The following RECQL variants were observed in gnomAD, a reference collection of about 807,000 sequenced individuals.
The protein encoded by RECQL is ATP-dependent DNA helicase Q1.
In RECQL, 73 loss-of-function variants were observed where a neutral mutation model predicts 75.8. That is an observed-to-expected ratio of 0.96 (90% confidence interval 0.80 to 1.17). The LOEUF is 1.17. Among genes scored for constraint, RECQL ranks in the 50% most tolerant of loss-of-function variants. The pLI is 0.00. For synonymous variants in RECQL, 248 were observed against 254.4 expected (o/e 0.97, Z 0.24); for missense variants, 699 against 772.1 (o/e 0.91, Z 1.12).
In RECQL at chr12:21,490,374, A is replaced by G; in HGVS notation, c.219T>C (p.Phe73=). 1 of 1,601,736 alleles carries G rather than the reference A, an allele frequency of 6.2e-7. No homozygotes were observed. ...TATCTTTAACTTTACCAGACCATGG[A>G]AAATCTAGGAAAAGAAAGTTAAGAA... ...SSPAAWNKED[F]PWSGKVKDIL... Residue 73 remains phenylalanine, a synonymous_variant, in exon 4 of 15, where the codon TTT becomes TTC. Coordinates refer to ENST00000444129, the MANE Select transcript of RECQL (RefSeq NM_002907.4).
intron 3 of RECQL, among the ~76,000 whole-genome samples, chr12:21,490,867 A>T (rs1484412833): frequency 1.3e-5 from 2 of 152,184 alleles, no homozygotes; most frequent in Non-Finnish European, 2.9e-5. Context: ...AACAAAAAAA[A>T]AGTAACAAAT....
At chr12:21,480,874 A>C (rs1943179921) in intron 6 of RECQL, among the ~76,000 whole-genome samples, 1 of 152,174 alleles carries the variant, frequency 6.6e-6, no homozygotes, top group Non-Finnish European at 1.5e-5. Flanking sequence ...TAAGTTTCTA[A>C]GTCTTATTTG....
chr12:21,498,329 C>T (rs2136781861), intron 2 of RECQL, among the ~76,000 whole-genome samples: 1 of 152,248 alleles, frequency 6.6e-6, no homozygotes, highest in African/African-American at 2.4e-5. Flanking sequence ...TCTCCCATTG[C>T]CACGATTCAC....
At chr12:21,493,974 G>C (rs1308840773) in intron 2 of RECQL, among the ~76,000 whole-genome samples, 2 of 152,152 alleles carry the variant, frequency 1.3e-5, no homozygotes, top group Non-Finnish European at 2.9e-5. Flanking sequence ...TCCGAGGCTG[G>C]GTAATTTATA....
intron 4 of RECQL, among the ~76,000 whole-genome samples, chr12:21,486,885 C>T (rs1340396333): frequency 6.6e-6 from 1 of 151,870 alleles, no homozygotes; most frequent in Non-Finnish European, 1.5e-5. Context: ...GTTGCCCAGG[C>T]TGGTCTCAAA....
At chr12:21,497,405 C>CA (rs1943527719) in intron 2 of RECQL, among the ~76,000 whole-genome samples, 1 of 152,236 alleles carries the variant, frequency 6.6e-6, no homozygotes. Flanking sequence ...AGCACTCTAG[C>CA]ATCTCTCCAG....
chr12:21,470,962 C>G lies in RECQL; in HGVS notation c.1797+7G>C. ...ATATATAAAACTGAAAATTAATAGC[C>G]ATTTACCCTGAAAGAGTTCTGCGTG... On this transcript the variant is annotated splice_region_variant and intron_variant, in intron 14 of 14. Coordinates refer to ENST00000444129, the MANE Select transcript of RECQL (RefSeq NM_002907.4). 2.0e-6 allele frequency: 3 copies of G among 1,504,848 alleles called. No homozygotes were observed. The highest frequency in any genetic ancestry group is 2.6e-6 in the Non-Finnish European group (3 of 1,132,728). The allele number at this position is 1,504,848 out of a possible 1,614,324, so 93.2% of individuals were successfully genotyped here. A position where few individuals can be genotyped will look rare whatever the true frequency, so the allele number is the denominator to read the frequency against.
intron 4 of RECQL, among the ~76,000 whole-genome samples, chr12:21,488,562 T>C (rs780642119): frequency 1.3e-5 from 2 of 152,298 alleles, no homozygotes; most frequent in Middle Eastern, 3.4e-3. Flanking sequence ...AAATTCAACA[T>C]GTCCCAAATA....
Position 21,474,959 on chromosome 12 carries a change from C to G in RECQL, c.1237G>C (p.Asp413His), listed in dbSNP as rs556850507. Residue 413 changes from aspartate to histidine, a missense_variant, in exon 11 of 15, where the codon GAC (aspartate) becomes CAC (histidine). Coordinates refer to ENST00000444129, the MANE Select transcript of RECQL (RefSeq NM_002907.4). ...CCAAAGCCGTAGTACAAAATACAGT[C>G]TGCTTTCATGTCATCTCGACCTGTG... ...GRAGRDDMKADCILYYGFGDI... is the reference protein window; with the variant it reads ...GRAGRDDMKAHCILYYGFGDI... 2.4e-5 allele frequency: 38 copies of G among 1,612,812 alleles called. No homozygotes were observed. In the South Asian group the frequency reaches 4.0e-4, roughly 17 times the overall value.
intron 2 of RECQL, among the ~76,000 whole-genome samples, chr12:21,492,089 A>T (rs999882490): frequency 1.3e-5 from 2 of 152,234 alleles, no homozygotes; most frequent in African/African-American, 4.8e-5. Context: ...GTTGTAGAGA[A>T]GTGGTCTAAC....
rs745666008 is a variant in RECQL, at chr12:21,499,562, G to A, written c.9C>T (p.Ser3=). The A allele has an allele frequency of 5.7e-6, 9 of 1,591,468 alleles. No homozygotes were observed. The highest frequency in any genetic ancestry group is 1.4e-5 in the African/African-American group (1 of 73,796). The change falls in exon 2 of 15, where the codon TCC becomes TCT. Residue 3 remains serine, a synonymous_variant. Coordinates refer to ENST00000444129, the MANE Select transcript of RECQL (RefSeq NM_002907.4). The part of the protein sequence containing the change: MA[S]VSALTEELDS... ...GTAATCATTGCTACTAACCTGAAACGGACGCCATTCTTTTTCTTTCCAAAT... is the reference window on the plus strand; with the variant it reads ...GTAATCATTGCTACTAACCTGAAACAGACGCCATTCTTTTTCTTTCCAAAT...
chr12:21,490,277 C>T lies in RECQL; in HGVS notation c.316G>A (p.Gly106Arg), dbSNP rs2136749299. ...QLETINVTMA[G>R]KEVFLVMPTG... Reference sequence around the variant, plus strand: ...GGCATAACAAGAAATACCTCCTTTCCAGCCATTGTTACGTTAATAGTTTCA... The same window carrying T: ...GGCATAACAAGAAATACCTCCTTTCTAGCCATTGTTACGTTAATAGTTTCA... Residue 106 changes from glycine (G) to arginine (R), a missense_variant, in exon 4 of 15, where the codon GGA (glycine) becomes AGA (arginine). Physicochemically the swap from Gly to Arg is moderately radical, Grantham distance 125 (BLOSUM62 -2). This residue lies in a region of RECQL where 669 missense variants were observed against 713.5 expected (regional missense o/e 0.94). Transcript: ENST00000444129. The T allele has an allele frequency of 1.9e-6, 3 of 1,612,774 alleles. No individual in the cohort carries two copies. Among genetic ancestry groups the T allele is most frequent in the South Asian group, 2.2e-5 (2 of 91,048 alleles).
intron 2 of RECQL, among the ~76,000 whole-genome samples, chr12:21,495,201 G>A (rs1305346080): frequency 6.6e-6 from 1 of 152,194 alleles, no homozygotes; most frequent in Non-Finnish European, 1.5e-5. Flanking sequence ...AGAGGTTGGA[G>A]CCTGTTGGGG....
At chr12:21,474,773 A>C (rs1301347714) in intron 11 of RECQL, 68 bp downstream of exon 11, 1 of 1,486,936 alleles carries the variant, frequency 6.7e-7, no homozygotes, top group African/African-American at 1.4e-5. Context: ...GTAAGAACTT[A>C]AAAACGATGT....
chr12:21,489,762 C>T (rs932744140), intron 4 of RECQL, among the ~76,000 whole-genome samples: 7 of 152,058 alleles, frequency 4.6e-5, no homozygotes, highest in Admixed American at 2.0e-4. Context: ...GATAGGGTTT[C>T]GAAAAGCTAG....
At position 21,471,624 on chromosome 12, in the gene RECQL, CTG is replaced by C; in HGVS notation, c.1469_1470del (p.Thr490ArgfsTer18). The C allele has an allele frequency of 6.2e-7, 1 of 1,612,468 alleles. No individual in the cohort carries two copies. The highest frequency in any genetic ancestry group is 2.2e-5 in the East Asian group (1 of 44,836). On this transcript the variant is annotated frameshift_variant, in exon 13 of 15. Coordinates refer to ENST00000444129, the MANE Select transcript of RECQL (RefSeq NM_002907.4). LOFTEE classifies it high-confidence loss of function. ...KDSAFERKNI[T>X]EYCRDLIKIL... ...ATCTTGATTAGATCTCTGCAGTACT[CTG>C]TTATGTTCTTTCTTTCAAATGCTGT... is the stretch of plus-strand genomic sequence containing the variant.
intron 10 of RECQL, 47 bp from the exon 11 acceptor site, chr12:21,475,026 C>T: frequency 6.4e-7 from 1 of 1,565,914 alleles, no homozygotes; most frequent in African/African-American, 1.4e-5. Flanking sequence ...TTTACAAATT[C>T]AAAATATGCA....
At chr12:21,482,701 T>C (rs1943215228) in intron 6 of RECQL, among the ~76,000 whole-genome samples, 1 of 152,142 alleles carries the variant, frequency 6.6e-6, no homozygotes, top group East Asian at 1.9e-4. Flanking sequence ...GGAGCCTGGA[T>C]AAATAAGCAG....
At chr12:21,475,636 T>C (rs1353142509) in intron 9 of RECQL, 40 bp downstream of exon 9, 3 of 1,609,254 alleles carry the variant, frequency 1.9e-6, no homozygotes, top group Non-Finnish European at 2.5e-6. Context: ...TTAAATATTT[T>C]AAAGGTAAAT....
Sources: allele counts gnomAD v4.1 joint callset (sites outside exome capture counted in the v4.1 genomes callset), GRCh38; gene constraint gnomAD v4.1.1; regional missense constraint gnomAD v4.1.1; transcripts MANE v1.5; gene names NCBI Gene and HGNC (gene_info 2026-07-23, HGNC 2026-07-21).